PTPRD: variants seen among roughly 807,000 people sequenced by gnomAD.
PTPRD encodes receptor-type tyrosine-protein phosphatase delta.
In PTPRD, 34 loss-of-function variants were observed where a neutral mutation model predicts 214.5. The observed-to-expected ratio is 0.16, with a 90% confidence interval of 0.12 to 0.21. The LOEUF (loss-of-function observed/expected upper bound fraction) is 0.21. Ranked by LOEUF, PTPRD falls within the 10% of genes least tolerant of loss-of-function variation. The pLI is 1.00. For synonymous variants in PTPRD, 1,128 were observed against 845.7 expected, an observed-to-expected ratio of 1.33 and a Z score of -5.79; for missense variants, 2,545 against 2,398.7, an observed-to-expected ratio of 1.06 and a Z score of -1.27.
At chr9:10,381,301 C>A (rs976627423) in intron 2 of PTPRD, among the ~76,000 whole-genome samples, 1 of 151,888 alleles carries the variant, frequency 6.6e-6, no homozygotes, top group Non-Finnish European at 1.5e-5. Flanking sequence ...ATTTTAGTTG[C>A]CTAGGAAACA....
At chr9:9,758,227 T>TA (rs528353457) in intron 6 of PTPRD, among the ~76,000 whole-genome samples, 32 of 151,962 alleles carry the variant, frequency 2.1e-4, no homozygotes, top group Middle Eastern at 3.4e-3. Context: ...TATTTCCTTA[T>TA]AAAAAAACAG....
chr9:10,075,777 T>G (rs897199840), intron 3 of PTPRD, among the ~76,000 whole-genome samples: 6 of 152,106 alleles, frequency 3.9e-5, no homozygotes, highest in Non-Finnish European at 8.8e-5. Flanking sequence ...CTTTAGAGTC[T>G]ACCTTAAATT....
chr9:9,323,111 A>G (rs1967443673), intron 9 of PTPRD, among the ~76,000 whole-genome samples: 1 of 152,180 alleles, frequency 6.6e-6, no homozygotes, highest in Non-Finnish European at 1.5e-5. Flanking sequence ...TGGCCAGAAT[A>G]TATCAGAATG....
In PTPRD at chr9:8,418,651, G is replaced by A. The variant is rs540137192; in HGVS notation, c.4087-13991C>T. 6.6e-5 allele frequency among the ~76,000 whole-genome samples: 10 copies of A among 151,600 alleles called. No individual in the cohort carries two copies. In the South Asian group the frequency reaches 2.1e-3, roughly 32 times the overall value. On this transcript the variant is annotated intron_variant, in intron 35 of 45. Coordinates refer to ENST00000381196, the MANE Select transcript of PTPRD (RefSeq NM_002839.4). ...AAGGTTGGGAAACTTATTTCTTTCG[G>A]AATTACACGTAGTCTTATATATACC...
intron 11 of PTPRD, among the ~76,000 whole-genome samples, chr9:8,807,765 T>G (rs745960485): frequency 6.6e-6 from 1 of 152,176 alleles, no homozygotes; most frequent in Non-Finnish European, 1.5e-5. Flanking sequence ...ACGAGTGTGG[T>G]CTGCTCCTTT....
chr9:8,508,702 T>A lies in PTPRD; in HGVS notation c.1544-1268A>T, dbSNP rs141525353. Among the ~76,000 whole-genome samples, 140 of 152,234 alleles carry A rather than the reference T, an allele frequency of 9.2e-4. 3 individuals carry two copies. The East Asian group carries it at 0.023, about 25-fold the overall frequency. On this transcript the variant is annotated intron_variant, in intron 21 of 45. Transcript: ENST00000381196. ...AAAAATACATATAATACAGTATAATTTGTAGTTCAAAAGAAGCCTTTGGAG... is the reference window on the plus strand; with the variant it reads ...AAAAATACATATAATACAGTATAATATGTAGTTCAAAAGAAGCCTTTGGAG...
At chr9:8,460,113 C>A (rs2096351436) in intron 33 of PTPRD, among the ~76,000 whole-genome samples, 1 of 152,104 alleles carries the variant, frequency 6.6e-6, no homozygotes, top group Non-Finnish European at 1.5e-5. Flanking sequence ...CTTGTGAATG[C>A]ACTAATGCCT....
chr9:8,852,973 G>T (rs1012055643), intron 11 of PTPRD, among the ~76,000 whole-genome samples: 1 of 152,098 alleles, frequency 6.6e-6, no homozygotes, highest in Admixed American at 6.5e-5. Flanking sequence ...TTCGAGGAGC[G>T]TGGCAGTACA....
At chr9:9,062,698 G>A (rs1185364258) in intron 10 of PTPRD, among the ~76,000 whole-genome samples, 1 of 152,070 alleles carries the variant, frequency 6.6e-6, no homozygotes, top group African/African-American at 2.4e-5. Flanking sequence ...TACCAATAGT[G>A]AAAATAGCCT....
chr9:8,984,206 T>TTTATTAAAG (rs1300756291), intron 11 of PTPRD, among the ~76,000 whole-genome samples: 7 of 152,072 alleles, frequency 4.6e-5, no homozygotes, highest in Non-Finnish European at 7.4e-5. Flanking sequence ...AAATACAGTT[T>TTTATTAAAG]TTATTAAAGT....
intron 2 of PTPRD, among the ~76,000 whole-genome samples, chr9:10,514,207 T>C (rs773696740): frequency 2.7e-4 from 41 of 152,084 alleles, no homozygotes; most frequent in Non-Finnish European, 5.7e-4. Context: ...TAGATACATA[T>C]ATTTACTTGT....
At chr9:9,178,641 T>A (rs2099926350) in intron 10 of PTPRD, among the ~76,000 whole-genome samples, 2 of 152,152 alleles carry the variant, frequency 1.3e-5, no homozygotes, top group South Asian at 2.1e-4. Context: ...TATAGGCTTT[T>A]AGAGCTGAAA....
intron 3 of PTPRD, among the ~76,000 whole-genome samples, chr9:10,153,430 T>G (rs1036708538): frequency 2.0e-5 from 3 of 151,378 alleles, no homozygotes; most frequent in African/African-American, 7.2e-5. Context: ...AAAGATTAAA[T>G]GATTTTATCT....
rs142988210 is a variant in PTPRD at position 9,795,874 on chromosome 9, A to T, written c.-367-29023T>A. Among the ~76,000 whole-genome samples, 13 of 152,262 alleles carry T rather than the reference A, an allele frequency of 8.5e-5. No individual in the cohort carries two copies. The East Asian group carries it at 2.5e-3, about 29-fold the overall frequency. ...AAATTGCCACTGACATAACAAAATG[A>T]TCCAAATATACTAGAAAAAATAAAA... On this transcript the variant is annotated intron_variant, in intron 5 of 45. Transcript: ENST00000381196.
At chr9:8,736,020 G>T (rs2090272352) in intron 11 of PTPRD, among the ~76,000 whole-genome samples, 1 of 151,990 alleles carries the variant, frequency 6.6e-6, no homozygotes, top group African/African-American at 2.4e-5. Context: ...TACAAAAAGA[G>T]CCATTTAATG....
chr9:9,464,134 G>A (rs866330248), intron 8 of PTPRD, among the ~76,000 whole-genome samples: 4 of 152,092 alleles, frequency 2.6e-5, no homozygotes, highest in Admixed American at 2.6e-4. Context: ...CTTTAATAAA[G>A]CCTCCATTCC....
intron 2 of PTPRD, among the ~76,000 whole-genome samples, chr9:10,445,680 T>C (rs1019671943): frequency 6.6e-6 from 1 of 151,960 alleles, no homozygotes; most frequent in African/African-American, 2.4e-5. Flanking sequence ...TTGAGAACAG[T>C]GGCTGAGCAG....
chr9:10,139,175 A>G (rs546566464), intron 3 of PTPRD, among the ~76,000 whole-genome samples: 8 of 152,270 alleles, frequency 5.3e-5, no homozygotes, highest in Non-Finnish European at 1.2e-4. Context: ...CTTAGAACTG[A>G]TGAATTACTT....
At chr9:9,622,948 T>C (rs1465439833) in intron 7 of PTPRD, among the ~76,000 whole-genome samples, 1 of 152,162 alleles carries the variant, frequency 6.6e-6, no homozygotes, top group Non-Finnish European at 1.5e-5. Context: ...TGAGATAGGT[T>C]ACCTATGCCT....
Sources: gnomAD v4.1 joint callset for allele counts (sites outside exome capture counted in the v4.1 genomes callset) on GRCh38, gnomAD v4.1.1 for gene constraint, MANE v1.5 for transcripts, NCBI Gene and HGNC (gene_info 2026-07-23, HGNC 2026-07-21) for gene names.